Variants in CD99 observed in about 807,000 individuals in gnomAD.
CD99 encodes CD99 antigen.
Under a neutral mutation model 28.4 loss-of-function variants are expected in CD99, and 19 were observed. The ratio of observed to expected loss-of-function variants is 0.67; its 90% CI spans 0.47 to 0.98. The LOEUF (loss-of-function observed/expected upper bound fraction) is 0.98. Among genes scored for constraint, CD99 ranks in the 50% least tolerant of loss-of-function variants. The pLI, the probability that CD99 is intolerant of heterozygous loss-of-function variation, is 0.00. For synonymous variants in CD99, 103 were observed against 92.1 expected (o/e 1.12, Z -0.67); for missense variants, 283 against 248.8 (o/e 1.14, Z -0.92).
intron 4 of CD99, 94 bp from the exon 5 acceptor site, chrX:2,720,262 A>G (rs763912992): frequency 6.0e-5 from 69 of 1,156,204 alleles, no homozygotes; most frequent in South Asian, 4.7e-4. Context: ...CCAAGGTCCA[A>G]TTTCTGTTCA....
intron 5 of CD99, among the ~76,000 whole-genome samples, chrX:2,721,462 G>GC (rs1188441244): frequency 4.0e-5 from 6 of 151,748 alleles, no homozygotes; most frequent in Non-Finnish European, 7.4e-5. Context: ...TGACCAGTTA[G>GC]TTTTTTCATT....
At chrX:2,732,979 C>T (rs931537925) in intron 8 of CD99, among the ~76,000 whole-genome samples, 1 of 148,006 alleles carries the variant, frequency 6.8e-6, no homozygotes, top group Non-Finnish European at 1.5e-5. Flanking sequence ...TCCTTCCTCC[C>T]TGCTTCACTT....
chrX:2,713,793 C>G (rs1208240513), intron 1 of CD99, among the ~76,000 whole-genome samples: 1 of 152,152 alleles, frequency 6.6e-6, no homozygotes, highest in African/African-American at 2.4e-5. Flanking sequence ...TCCAGTTGAC[C>G]AAACAGTCCA....
chrX:2,694,848 T>C (rs916148460), intron 1 of CD99, among the ~76,000 whole-genome samples: 1 of 152,218 alleles, frequency 6.6e-6, no homozygotes, highest in African/African-American at 2.4e-5. Flanking sequence ...CTTTACACTT[T>C]GGAGATACTC....
intron 1 of CD99, chrX:2,691,882 C>G: frequency 1.3e-6 from 1 of 779,112 alleles, no homozygotes; most frequent in East Asian, 2.4e-5. Flanking sequence ...AATTTGGAAT[C>G]GCTAGGAGCC....
At chrX:2,717,490 G>A in intron 2 of CD99, 115 bp from the exon 3 acceptor site, 1 of 863,446 alleles carries the variant, frequency 1.2e-6, no homozygotes, top group Non-Finnish European at 1.9e-6. Context: ...AAAAAACAAT[G>A]CTAAAAACAT....
At chrX:2,737,991 T>G (rs1300184147) in intron 8 of CD99, 2 of 717,902 alleles carry the variant, frequency 2.8e-6, no homozygotes, top group African/African-American at 1.7e-5. Flanking sequence ...TCTCTGCCTG[T>G]GCCATGCATG....
At chrX:2,706,362 A>T (rs2048116412) in intron 1 of CD99, among the ~76,000 whole-genome samples, 1 of 152,152 alleles carries the variant, frequency 6.6e-6, no homozygotes. Context: ...TCTGTCTCAA[A>T]AAAAGGAAAA....
intron 1 of CD99, 111 bp downstream of exon 1, chrX:2,691,538 C>A: frequency 8.1e-7 from 1 of 1,234,112 alleles, no homozygotes; most frequent in Non-Finnish European, 1.1e-6. Context: ...CCGGAGCCTC[C>A]TCCCTGCCCG....
intron 8 of CD99, among the ~76,000 whole-genome samples, chrX:2,727,965 T>A (rs956567794): frequency 3.7e-4 from 57 of 152,156 alleles, no homozygotes; most frequent in Non-Finnish European, 7.6e-4. Flanking sequence ...GTGGACAAAG[T>A]TAGACTGTAG....
At chrX:2,723,433 G>C (rs2049104197) in intron 7 of CD99, 69 bp downstream of exon 7, 2 of 1,565,906 alleles carry the variant, frequency 1.3e-6, no homozygotes, top group Admixed American at 1.7e-5. Context: ...CAGAATGTCT[G>C]AGAGCTGGCG....
chrX:2,731,865 T>G (rs2049625019), intron 8 of CD99, among the ~76,000 whole-genome samples: 1 of 151,914 alleles, frequency 6.6e-6, no homozygotes. Context: ...AAACTCCTTG[T>G]GGAATCAGAT....
In CD99 at chrX:2,722,644, G is replaced by C; in HGVS notation, c.280G>C (p.Asp94His). Residue 94 changes from aspartate (D) to histidine (H), a missense_variant, in exon 6 of 10, where the codon GAC becomes CAC. Coordinates refer to ENST00000381192, the MANE Select transcript of CD99 (RefSeq NM_002414.5). ...TTTCCTAGGTAGCTTTTCAGATGCTGACCTTGCGGATGGCGTTTCAGGTGG... is the reference window on the plus strand; with the variant it reads ...TTTCCTAGGTAGCTTTTCAGATGCTCACCTTGCGGATGGCGTTTCAGGTGG... ...PSSSGSFSDA[D>H]LADGVSGGEG... 6.2e-7 allele frequency: 1 copy of C among 1,614,002 alleles called. No individual in the cohort carries two copies. The highest frequency in any genetic ancestry group is 8.5e-7 in the Non-Finnish European group (1 of 1,179,864).
chrX:2,737,580 C>A (rs2050009065), intron 8 of CD99, among the ~76,000 whole-genome samples: 1 of 150,844 alleles, frequency 6.6e-6, no homozygotes. Flanking sequence ...CTGCAACCTC[C>A]ACCTCCTGGG....
At chrX:2,698,871 G>A (rs961776797) in intron 1 of CD99, among the ~76,000 whole-genome samples, 4 of 151,934 alleles carry the variant, frequency 2.6e-5, no homozygotes, top group East Asian at 1.9e-4. Context: ...GCTTGGAAAC[G>A]TCACTCTTGC....
chrX:2,729,006 T>G (rs1158960226), intron 8 of CD99, among the ~76,000 whole-genome samples: 2 of 152,128 alleles, frequency 1.3e-5, no homozygotes, highest in Admixed American at 6.6e-5. Flanking sequence ...AATTTTTGTA[T>G]TTTTAGTAGA....
intron 9 of CD99, among the ~76,000 whole-genome samples, chrX:2,740,275 G>T (rs312258): frequency 0.25 from 37,994 of 152,004 alleles, 5,068 homozygotes; most frequent in African/African-American, 0.31. Context: ...GAGCCCTCGT[G>T]ACTTGAAGGG....
intron 1 of CD99, among the ~76,000 whole-genome samples, chrX:2,712,906 CACAT>C (rs1242083538): frequency 2.0e-5 from 3 of 151,972 alleles, no homozygotes; most frequent in Non-Finnish European, 2.9e-5. Context: ...TGCACACAAA[CACAT>C]GCATACATGC....
In CD99 at chrX:2,740,904, G is replaced by T; in HGVS notation, c.*100G>T. On this transcript the variant is annotated 3_prime_UTR_variant, in exon 10 of 10. Coordinates refer to ENST00000381192, the MANE Select transcript of CD99 (RefSeq NM_002414.5). ...CACCTGCCTGAGAGCAGAGATGGAG[G>T]CCTTCTGTTCACGGCGGATTCTTTG... 7.8e-7 allele frequency: 1 copy of T among 1,274,046 alleles called. No individual in the cohort carries two copies. The highest frequency in any genetic ancestry group is 1.1e-6 in the Non-Finnish European group (1 of 870,096). 78.9% of individuals were successfully genotyped at this position (1,274,046 alleles called of 1,614,324 possible).
Sources: allele counts gnomAD v4.1 joint callset (sites outside exome capture counted in the v4.1 genomes callset), GRCh38; gene constraint gnomAD v4.1.1; transcripts MANE v1.5; gene names NCBI Gene and HGNC (gene_info 2026-07-23, HGNC 2026-07-21).